The following CRYBG1 variants were observed in gnomAD, a reference collection of about 807,000 sequenced individuals.
CRYBG1 encodes crystallin beta-gamma domain containing 1.
A neutral mutation model predicts 189.2 loss-of-function variants in CRYBG1; 139 were observed. The observed-to-expected ratio is 0.73, with a 90% CI of 0.64 to 0.85. CRYBG1 has a LOEUF of 0.85. Among genes scored for constraint, CRYBG1 ranks in the 40% least tolerant of loss-of-function variants. The pLI is 0.00. For missense variants in CRYBG1, 2,611 were observed against 2,675.8 expected (o/e 0.98, Z 0.53); for synonymous variants, 1,023 against 1,017.1 (o/e 1.01, Z -0.11).
chr6:106,388,367 G>A (rs968651295), intron 1 of CRYBG1, among the ~76,000 whole-genome samples: 3 of 152,066 alleles, frequency 2.0e-5, no homozygotes, highest in Non-Finnish European at 4.4e-5. Context: ...AGGAAAGAAG[G>A]AAGGAGAGAG....
chr6:106,433,734 TAC>T (rs10543806), intron 1 of CRYBG1, among the ~76,000 whole-genome samples: 21,880 of 70,466 alleles, frequency 0.31, 3,434 homozygotes, highest in East Asian at 0.47. Context: ...TATATATATA[TAC>T]ATATATATGT....
chr6:106,397,610 G>A lies in CRYBG1; in HGVS notation c.173+36529G>A, dbSNP rs149426511. On this transcript the variant is annotated intron_variant, in intron 1 of 21. Transcript: ENST00000633556. ...CTGATAAAGGGCAGGGTGTGACCAA[G>A]GAACACAGAGTTCAGTAGTCAGCAC... 5.4e-3 allele frequency among the ~76,000 whole-genome samples: 826 copies of A among 152,250 alleles called. 3 individuals are homozygous for A. The highest frequency in any genetic ancestry group is 0.017 in the South Asian group (84 of 4,816).
At chr6:106,487,982 G>A (rs1361003348) in intron 2 of CRYBG1, among the ~76,000 whole-genome samples, 4 of 152,090 alleles carry the variant, frequency 2.6e-5, no homozygotes, top group Non-Finnish European at 4.4e-5. Context: ...TCCTATACCT[G>A]GGTCTAGGGT....
In CRYBG1 at chr6:106,512,541, A is replaced by C; in HGVS notation, c.1424A>C (p.Asp475Ala). 6.2e-7 allele frequency: 1 copy of C among 1,608,426 alleles called. No individual in the cohort carries two copies. The highest frequency in any genetic ancestry group is 8.5e-7 in the Non-Finnish European group (1 of 1,177,962). Residue 475 changes from aspartate to alanine, a missense_variant, in exon 3 of 22, where the codon GAC becomes GCC. Physicochemically the swap from Asp to Ala is moderately radical, Grantham distance 126. Coordinates refer to ENST00000633556, the MANE Select transcript of CRYBG1 (RefSeq NM_001371242.2). Reference protein sequence around the residue: ...KKVKSPRAALDGGVASAASPE... With the variant: ...KKVKSPRAALAGGVASAASPE... ...GTGAAATCTCCGCGGGCAGCCCTCG[A>C]CGGGGGCGTTGCCTCCGCTGCGAGC... is the stretch of plus-strand genomic sequence containing the variant.
intron 2 of CRYBG1, among the ~76,000 whole-genome samples, chr6:106,466,956 G>A (rs1772126617): frequency 6.6e-6 from 1 of 152,162 alleles, no homozygotes; most frequent in Admixed American, 6.5e-5. Flanking sequence ...GTTGGGTATA[G>A]AGAAATAAAA....
intron 4 of CRYBG1, among the ~76,000 whole-genome samples, chr6:106,523,206 C>G (rs973619923): frequency 3.3e-5 from 5 of 152,110 alleles, no homozygotes; most frequent in Non-Finnish European, 7.4e-5. Context: ...TTGGAGACCC[C>G]CGCAGTGGCC....
intron 1 of CRYBG1, among the ~76,000 whole-genome samples, chr6:106,384,953 C>A (rs1436307790): frequency 6.6e-6 from 1 of 151,738 alleles, no homozygotes; most frequent in Non-Finnish European, 1.5e-5. Flanking sequence ...GTTCACTCAT[C>A]ACTCCCATAA....
At chr6:106,365,323 A>T (rs1415880388) in intron 1 of CRYBG1, among the ~76,000 whole-genome samples, 1 of 151,978 alleles carries the variant, frequency 6.6e-6, no homozygotes, top group Non-Finnish European at 1.5e-5. Context: ...GCTACTTGGG[A>T]GGCTGATGCA....
chr6:106,412,994 G>A (rs1316767058), intron 1 of CRYBG1, among the ~76,000 whole-genome samples: 8 of 149,020 alleles, frequency 5.4e-5, no homozygotes, highest in Non-Finnish European at 8.9e-5. Context: ...TGAAAATTTC[G>A]AGGTGGTTCT....
chr6:106,503,015 A>G (rs770300035), intron 2 of CRYBG1, among the ~76,000 whole-genome samples: 1 of 152,214 alleles, frequency 6.6e-6, no homozygotes, highest in African/African-American at 2.4e-5. Context: ...GCACCTGGTG[A>G]GGTCCTTTCC....
At chr6:106,564,448 T>C (rs1582844809) in intron 21 of CRYBG1, among the ~76,000 whole-genome samples, 1 of 152,210 alleles carries the variant, frequency 6.6e-6, no homozygotes, top group South Asian at 2.1e-4. Context: ...CAATGCAACA[T>C]GTGTTCAATG....
intron 1 of CRYBG1, among the ~76,000 whole-genome samples, chr6:106,377,687 T>G (rs1218240477): frequency 6.6e-6 from 1 of 150,672 alleles, no homozygotes; most frequent in African/African-American, 2.5e-5. Context: ...ATAAATTTTG[T>G]CTATTTTTAA....
chr6:106,560,443 G>T (rs1158760764), intron 18 of CRYBG1, among the ~76,000 whole-genome samples: 1 of 152,164 alleles, frequency 6.6e-6, no homozygotes, highest in East Asian at 1.9e-4. Context: ...CCTACTAAGA[G>T]CTTTGGAAAT....
Position 106,399,533 on chromosome 6 carries a change from C to T in CRYBG1, c.173+38452C>T, listed in dbSNP as rs140288313. Among the ~76,000 whole-genome samples the T allele has an allele frequency of 7.2e-5, 11 of 152,212 alleles. No homozygotes were observed. In the East Asian group the frequency reaches 1.7e-3, roughly 24 times the overall value. On this transcript the variant is annotated intron_variant, in intron 1 of 21. Transcript: ENST00000633556. ...ATGCGTGACATAGGTATGTTAAAAA[C>T]GTTAAAGGCCATATGGACCTAGTGA...
At chr6:106,544,466 GT>G in intron 11 of CRYBG1, 104 bp from the exon 12 acceptor site, 2 of 1,325,598 alleles carry the variant, frequency 1.5e-6, no homozygotes, top group South Asian at 2.8e-5. Flanking sequence ...AGAAGGTCAT[GT>G]CTAGCTTTAT....
At chr6:106,561,290 T>C (rs1263008158) in intron 19 of CRYBG1, 52 bp from the exon 20 acceptor site, 25 of 1,580,908 alleles carry the variant, frequency 1.6e-5, no homozygotes, top group Non-Finnish European at 1.8e-5. Flanking sequence ...GCTTGTTCAG[T>C]GCTTCCAGCA....
intron 1 of CRYBG1, among the ~76,000 whole-genome samples, chr6:106,374,324 T>TGG (rs1770104145): frequency 6.6e-6 from 1 of 151,718 alleles, no homozygotes; most frequent in Non-Finnish European, 1.5e-5. Flanking sequence ...GAGGCTAAGG[T>TGG]GGGAGGATTG....
At chr6:106,479,810 C>T (rs1772406291) in intron 2 of CRYBG1, among the ~76,000 whole-genome samples, 2 of 152,152 alleles carry the variant, frequency 1.3e-5, no homozygotes, top group African/African-American at 4.8e-5. Context: ...GTTCTGTATG[C>T]TAGACCCCTA....
intron 1 of CRYBG1, among the ~76,000 whole-genome samples, chr6:106,372,898 C>A (rs1308826013): frequency 6.6e-6 from 1 of 152,154 alleles, no homozygotes; most frequent in Non-Finnish European, 1.5e-5. Flanking sequence ...AGTATTTTAG[C>A]TAATAAATGA....
Sources: gnomAD v4.1 joint callset for allele counts (sites outside exome capture counted in the v4.1 genomes callset) on GRCh38, gnomAD v4.1.1 for gene constraint, MANE v1.5 for transcripts, NCBI Gene and HGNC (gene_info 2026-07-23, HGNC 2026-07-21) for gene names.